LDHC: variants seen among roughly 807,000 people sequenced by gnomAD.
LDHC encodes the protein lactate dehydrogenase C.
In LDHC, 20 loss-of-function variants were observed where a neutral mutation model predicts 30.2. That is an observed-to-expected ratio of 0.66 (90% CI 0.47 to 0.96). The LOEUF is 0.96. LDHC is among the 40% of genes least tolerant of loss of function. LDHC has a pLI of 0.00. For synonymous variants in LDHC, 139 were observed against 132.7 expected (o/e 1.05, Z -0.32); for missense variants, 362 against 394.9 (o/e 0.92, Z 0.71).
chr11:18,446,472 C>G, intron 7 of LDHC, 139 bp downstream of exon 7: 1 of 624,858 alleles, frequency 1.6e-6, no homozygotes, highest in South Asian at 1.8e-5. Flanking sequence ...CAGGTCAGGT[C>G]AAAAAAATAC....
chr11:18,451,978 G>A lies in LDHC; in HGVS notation c.*851G>A, dbSNP rs1382284553. The A allele has an allele frequency of 6.6e-6, 1 of 151,978 alleles. No individual in the cohort carries two copies. The highest frequency in any genetic ancestry group is 1.9e-4 in the East Asian group (1 of 5,198). The allele number at this position is 151,978 out of a possible 1,614,324, so 9.4% of individuals were successfully genotyped here. A position where few individuals can be genotyped will look rare whatever the true frequency, so the allele number is the denominator to read the frequency against. ...AGAAGAAAAGCAGAAACAAGAAGAA[G>A]ATACAGATGTAACTTTACGATGTAA... On this transcript the variant is annotated 3_prime_UTR_variant, in exon 8 of 8. Coordinates refer to ENST00000541669, the MANE Select transcript of LDHC (RefSeq NM_017448.5).
intron 3 of LDHC, among the ~76,000 whole-genome samples, chr11:18,428,836 C>T (rs1848211629): frequency 6.7e-6 from 1 of 148,784 alleles, no homozygotes; most frequent in South Asian, 2.1e-4. Context: ...GATGGCACCA[C>T]CATACTCCAG....
intron 3 of LDHC, among the ~76,000 whole-genome samples, chr11:18,420,321 C>T (rs894977497): frequency 1.3e-5 from 2 of 152,036 alleles, no homozygotes; most frequent in Admixed American, 6.6e-5. Context: ...GCCAAATAAT[C>T]TCAAGAAGAA....
intron 3 of LDHC, among the ~76,000 whole-genome samples, chr11:18,419,444 T>C (rs148731757): frequency 2.6e-5 from 4 of 152,332 alleles, no homozygotes; most frequent in Non-Finnish European, 5.9e-5. Flanking sequence ...ATATACCTGC[T>C]AAGGATTTGG....
rs751890722 is a variant in LDHC, at chr11:18,438,539, A to T, written c.604A>T (p.Ser202Cys). 6 of 1,605,756 alleles carry T rather than the reference A, an allele frequency of 3.7e-6. No homozygotes were observed. The African/African-American group carries it at 6.7e-5, about 18-fold the overall frequency. Residue 202 changes from serine (S) to cysteine (C), a missense_variant, in exon 6 of 8, where the codon AGT becomes TGT. Physicochemically the swap from Ser to Cys is moderately radical, Grantham distance 112. Coordinates refer to ENST00000541669, the MANE Select transcript of LDHC (RefSeq NM_017448.5). ...TCTGTATTTTTTAGTGCCCTTATGG[A>T]GTGGGGTGAATGTTGCTGGTGTTGC... is the stretch of plus-strand genomic sequence containing the variant. ...EHGDSSVPLW[S>C]GVNVAGVALK...
intron 7 of LDHC, among the ~76,000 whole-genome samples, chr11:18,449,428 TAAAAAAAAAAAAAAAAAA>T (rs557136321): frequency 1.2e-4 from 6 of 48,452 alleles, no homozygotes; most frequent in East Asian, 8.0e-4. Flanking sequence ...CACTGTCTCC[TAAAAAAAAAAAAAAAAAA>T]AAAAAAAAAA....
At chr11:18,415,719 G>A (rs1867006647) in intron 3 of LDHC, among the ~76,000 whole-genome samples, 1 of 152,028 alleles carries the variant, frequency 6.6e-6, no homozygotes, top group South Asian at 2.1e-4. Context: ...TTGAGATGGA[G>A]TCTCGCTCTG....
chr11:18,435,217 T>C (rs1271379729), intron 5 of LDHC, among the ~76,000 whole-genome samples: 3 of 152,180 alleles, frequency 2.0e-5, no homozygotes, highest in Admixed American at 2.0e-4. Flanking sequence ...ACATAATTCA[T>C]GATATGGTTT....
chr11:18,432,012 G>T (rs766044867), intron 4 of LDHC, among the ~76,000 whole-genome samples: 31 of 152,006 alleles, frequency 2.0e-4, no homozygotes, highest in Non-Finnish European at 3.8e-4. Context: ...CTGGGTTTGG[G>T]TTTGGTTTGT....
chr11:18,431,300 A>C (rs1164015451), intron 4 of LDHC, among the ~76,000 whole-genome samples: 2 of 151,934 alleles, frequency 1.3e-5, no homozygotes, highest in East Asian at 3.9e-4. Flanking sequence ...ATCTCTACTA[A>C]AAATACAAAA....
At chr11:18,415,594 G>A (rs961776545) in intron 3 of LDHC, among the ~76,000 whole-genome samples, 1 of 152,096 alleles carries the variant, frequency 6.6e-6, no homozygotes. Flanking sequence ...ACCACGCCTG[G>A]CTAATTTTTG....
chr11:18,428,445 C>T (rs1031904709), intron 3 of LDHC, among the ~76,000 whole-genome samples: 2 of 151,872 alleles, frequency 1.3e-5, no homozygotes. Flanking sequence ...AGGTGTGAGC[C>T]ACCACGCCCA....
At chr11:18,416,826 G>A (rs1367505565) in intron 3 of LDHC, among the ~76,000 whole-genome samples, 1 of 135,406 alleles carries the variant, frequency 7.4e-6, no homozygotes, top group Non-Finnish European at 1.6e-5. Flanking sequence ...ACCCTCCCCA[G>A]CCCTCCATCC....
At chr11:18,447,954 C>T (rs1301800294) in intron 7 of LDHC, among the ~76,000 whole-genome samples, 2 of 143,302 alleles carry the variant, frequency 1.4e-5, no homozygotes, top group African/African-American at 2.6e-5. Context: ...GCAGCTGAGA[C>T]AAGAGAATTG....
chr11:18,422,689 T>TA (rs1848085337), intron 3 of LDHC, among the ~76,000 whole-genome samples: 1 of 151,896 alleles, frequency 6.6e-6, no homozygotes, highest in Non-Finnish European at 1.5e-5. Flanking sequence ...ACCACCTCAT[T>TA]AGAAGATGTT....
chr11:18,441,000 C>T (rs530135014), intron 6 of LDHC, among the ~76,000 whole-genome samples: 109 of 151,528 alleles, frequency 7.2e-4, no homozygotes, highest in Non-Finnish European at 1.3e-3. Context: ...GTGTTGCATA[C>T]CTGTAGTCTT....
In LDHC at chr11:18,451,244, T is replaced by C. The variant is rs916041548; in HGVS notation, c.*117T>C. Reference sequence around the variant, plus strand: ...AAAATAAAAACAAATTGGAGACCTGTGACATAACTCTAGTCTCTCAAGATT... The same window carrying C: ...AAAATAAAAACAAATTGGAGACCTGCGACATAACTCTAGTCTCTCAAGATT... On this transcript the variant is annotated 3_prime_UTR_variant, in exon 8 of 8. Coordinates refer to ENST00000541669, the MANE Select transcript of LDHC (RefSeq NM_017448.5). 2 of 623,262 alleles carry C rather than the reference T, an allele frequency of 3.2e-6. No individual in the cohort carries two copies. Among genetic ancestry groups the C allele is most frequent in the South Asian group, 2.7e-5 (1 of 37,208 alleles). The allele number at this position is 623,262 out of a possible 1,614,324, so 38.6% of individuals were successfully genotyped here.
intron 7 of LDHC, among the ~76,000 whole-genome samples, chr11:18,447,875 C>A (rs1217360003): frequency 6.6e-6 from 1 of 151,806 alleles, no homozygotes; most frequent in Non-Finnish European, 1.5e-5. Flanking sequence ...ATGGTGAAAC[C>A]CTGCCTCTAC....
chr11:18,434,725 A>C lies in LDHC; in HGVS notation c.419-15A>C. On this transcript the variant is annotated splice_polypyrimidine_tract_variant and intron_variant, in intron 4 of 7. Transcript: ENST00000541669. ...TATGATGAATCTTTTTCTAACACAA[A>C]ATTTTTCTTCTTAGTGGATATTTTG... The C allele has an allele frequency of 6.5e-7, 1 of 1,535,356 alleles. No individual in the cohort carries two copies. The highest frequency in any genetic ancestry group is 8.9e-7 in the Non-Finnish European group (1 of 1,124,206).
Sources: allele counts gnomAD v4.1 joint callset (sites outside exome capture counted in the v4.1 genomes callset), GRCh38; gene constraint gnomAD v4.1.1; transcripts MANE v1.5; gene names NCBI Gene and HGNC (gene_info 2026-07-23, HGNC 2026-07-21).